QTGAL: variants seen among roughly 807,000 people sequenced by gnomAD.
The protein encoded by QTGAL is queuosine-tRNA galactosyltransferase.
the QTGAL span, chr17:82,948,195 GGTT>G: frequency 2.0e-5 from 3 of 152,150 alleles, no homozygotes; most frequent in East Asian, 1.9e-4. Context: ...GGGCACGGGG[GGTT>G]GTTGGTCAGA....
chr17:83,019,431 A>T, the QTGAL span, among the ~76,000 whole-genome samples: 1 of 152,256 alleles, frequency 6.6e-6, no homozygotes, highest in Non-Finnish European at 1.5e-5. Context: ...AAAAGATATA[A>T]GACATGAGCA....
chr17:83,026,523 C>A, the QTGAL span, among the ~76,000 whole-genome samples: 1 of 151,642 alleles, frequency 6.6e-6, no homozygotes, highest in African/African-American at 2.4e-5. Flanking sequence ...AACAGACACA[C>A]AGAGCGGAGT....
chr17:83,019,619 C>T, the QTGAL span, among the ~76,000 whole-genome samples: 1 of 152,142 alleles, frequency 6.6e-6, no homozygotes, highest in African/African-American at 2.4e-5. Context: ...GGGGGCTGCA[C>T]AGCAATGTGA....
the QTGAL span, among the ~76,000 whole-genome samples, chr17:82,959,141 G>A: frequency 6.6e-6 from 1 of 151,856 alleles, no homozygotes; most frequent in Non-Finnish European, 1.5e-5. Context: ...TGTTGTGTGT[G>A]CACAGTGTGC....
chr17:83,010,500 C>T, the QTGAL span, among the ~76,000 whole-genome samples: 1 of 152,246 alleles, frequency 6.6e-6, no homozygotes, highest in African/African-American at 2.4e-5. Context: ...TCTGCCCCTT[C>T]CAGCTTGGGA....
chr17:83,039,577 A>G, the QTGAL span, among the ~76,000 whole-genome samples: 1 of 126,234 alleles, frequency 7.9e-6, no homozygotes, highest in African/African-American at 3.3e-5. Flanking sequence ...TGTTCTAGAC[A>G]CACTGCTGGG....
the QTGAL span, chr17:83,005,744 C>T: frequency 2.5e-6 from 2 of 812,864 alleles, no homozygotes; most frequent in South Asian, 1.5e-5. The surrounding 1 kb of genome is among the most constrained non-coding windows in gnomAD (Gnocchi z 5.6). Flanking sequence ...GCATCCAGGC[C>T]AGCACCCCTG....
At chr17:83,018,896 C>T in the QTGAL span, among the ~76,000 whole-genome samples, 1 of 152,184 alleles carries the variant, frequency 6.6e-6, no homozygotes, top group African/African-American at 2.4e-5. Context: ...CTGTTTCTCC[C>T]CAGCCAGGGC....
At chr17:82,967,607 C>A in the QTGAL span, among the ~76,000 whole-genome samples, 2 of 152,066 alleles carry the variant, frequency 1.3e-5, no homozygotes, top group Non-Finnish European at 2.9e-5. Flanking sequence ...AAAATTCGAA[C>A]TGCAATGAAA....
chr17:83,000,825 C>T, the QTGAL span, among the ~76,000 whole-genome samples: 2 of 152,204 alleles, frequency 1.3e-5, no homozygotes, highest in African/African-American at 2.4e-5. Flanking sequence ...GCATCTGGAC[C>T]CACAGTAATT....
chr17:83,008,632 G>T, the QTGAL span, among the ~76,000 whole-genome samples: 1 of 152,308 alleles, frequency 6.6e-6, no homozygotes, highest in East Asian at 1.9e-4. Context: ...ACGTGACACG[G>T]TGCTCTGGGG....
the QTGAL span, among the ~76,000 whole-genome samples, chr17:83,019,779 G>A: frequency 1.3e-5 from 2 of 151,890 alleles, no homozygotes; most frequent in Non-Finnish European, 1.5e-5. Context: ...TCTTGCCCAG[G>A]CTGGAGTGCA....
the QTGAL span, among the ~76,000 whole-genome samples, chr17:82,967,073 T>G: frequency 6.6e-6 from 1 of 152,150 alleles, no homozygotes; most frequent in African/African-American, 2.4e-5. Context: ...ATGTGACTAG[T>G]CATCAGGGAA....
the QTGAL span, among the ~76,000 whole-genome samples, chr17:82,951,291 G>T: frequency 6.6e-6 from 1 of 152,268 alleles, no homozygotes; most frequent in South Asian, 2.1e-4. Flanking sequence ...TGATCTTCTG[G>T]AGAGCCTGCT....
chr17:83,016,554 G>C, the QTGAL span, among the ~76,000 whole-genome samples: 1 of 146,008 alleles, frequency 6.8e-6, no homozygotes, highest in African/African-American at 2.5e-5. Context: ...GGAGGGAGTA[G>C]GGAAGAGAAC....
the QTGAL span, among the ~76,000 whole-genome samples, chr17:82,970,519 C>CG: frequency 2.5e-4 from 38 of 151,706 alleles, 3 homozygotes; most frequent in African/African-American, 7.0e-4. Flanking sequence ...ACAGGTCCTC[C>CG]CCACCCAGCG....
At chr17:82,983,188 G>A in the QTGAL span, among the ~76,000 whole-genome samples, 1 of 152,208 alleles carries the variant, frequency 6.6e-6, no homozygotes, top group Non-Finnish European at 1.5e-5. Flanking sequence ...GCTGGGGCAG[G>A]AGAATTGCTT....
At chr17:83,032,973 G>A in the QTGAL span, among the ~76,000 whole-genome samples, 6 of 152,378 alleles carry the variant, frequency 3.9e-5, no homozygotes, top group African/African-American at 1.4e-4. Flanking sequence ...GGGTCAGGAG[G>A]AGAGGAACGG....
chr17:83,040,803 T>G, the QTGAL span, among the ~76,000 whole-genome samples: 2 of 152,108 alleles, frequency 1.3e-5, no homozygotes, highest in Non-Finnish European at 2.9e-5. Flanking sequence ...CAGTGGCTCA[T>G]GCCTGTAATC....
Sources: gnomAD v4.1 joint callset for allele counts (sites outside exome capture counted in the v4.1 genomes callset) on GRCh38, gnomAD v4.1.1 for gene constraint, Gnocchi (gnomAD v3.1) non-coding constraint, MANE v1.5 for transcripts, NCBI Gene and HGNC (gene_info 2026-07-23, HGNC 2026-07-21) for gene names.